The following ATP2B2 variants were observed in gnomAD, a reference collection of about 807,000 sequenced individuals.
ATP2B2 encodes ATPase plasma membrane Ca2+ transporting 2.
ATP2B2 carries 15 observed loss-of-function variants against 120.0 expected under a neutral mutation model. The ratio of observed to expected loss-of-function variants is 0.12; its 90% CI spans 0.08 to 0.19. ATP2B2 has a LOEUF of 0.19. Among genes scored for constraint, ATP2B2 ranks in the 10% least tolerant of loss-of-function variants. The probability of loss-of-function intolerance (pLI) is 1.00; values close to 1 mark genes in which losing one functional copy is unlikely to be tolerated. For missense variants in ATP2B2, 1,045 were observed against 1,719.8 expected (o/e 0.61, Z 6.94); for synonymous variants, 694 against 700.3 (o/e 0.99, Z 0.14).
chr3:10,449,507 T>C lies in ATP2B2; in HGVS notation c.37A>G (p.Asn13Asp). The C allele has an allele frequency of 6.2e-7, 1 of 1,614,200 alleles. No individual in the cohort carries two copies. Among genetic ancestry groups the C allele is most frequent in the South Asian group, 1.1e-5 (1 of 91,068 alleles). Reference sequence around the variant, plus strand: ...CCATGGCTCGACTCATTTCTTTGGTTTTTGGAGTAAAAGTCGCTGTTGGTC... The same window carrying C: ...CCATGGCTCGACTCATTTCTTTGGTCTTTGGAGTAAAAGTCGCTGTTGGTC... ...DMTNSDFYSK[N>D]QRNESSHGGE... The change falls in exon 2 of 23, where the codon AAC (asparagine) becomes GAC (aspartate). Residue 13 changes from asparagine (N) to aspartate (D), a missense_variant. Physicochemically the swap from Asn to Asp is conservative, Grantham distance 23. This residue lies in a region of ATP2B2 where 139 missense variants were observed against 134.2 expected (regional missense o/e 1.04). Transcript: ENST00000360273.
chr3:10,701,189 C>T (rs2071812172), intron 1 of ATP2B2, among the ~76,000 whole-genome samples: 2 of 152,176 alleles, frequency 1.3e-5, no homozygotes, highest in East Asian at 1.9e-4. Flanking sequence ...GCCTCATGCT[C>T]TTATCTACTC....
chr3:10,517,955 G>A lies in ATP2B2; in HGVS notation c.-320+16084C>T, dbSNP rs561844769. Reference sequence around the variant, plus strand: ...CAGTAGACAGACGGGGGATTGGGCAGCCTGTGCAGGTTGCAGGGAGGAGCA... The same window carrying A: ...CAGTAGACAGACGGGGGATTGGGCAACCTGTGCAGGTTGCAGGGAGGAGCA... On this transcript the variant is annotated intron_variant, in intron 3 of 21. Coordinates refer to the ATP2B2 transcript ENST00000646379. Among the ~76,000 whole-genome samples the A allele has an allele frequency of 6.4e-4, 98 of 152,166 alleles. 1 individual carries two copies. Among genetic ancestry groups the A allele is most frequent in the African/African-American group, 2.3e-3 (95 of 41,506 alleles).
At chr3:10,632,550 C>T (rs12633876) in intron 1 of ATP2B2, among the ~76,000 whole-genome samples, 9 of 152,350 alleles carry the variant, frequency 5.9e-5, no homozygotes, top group East Asian at 1.9e-4. Context: ...TCTGGTGAAA[C>T]GCTCTGAGAC....
chr3:10,494,033 A>C (rs2066039546), intron 1 of ATP2B2, among the ~76,000 whole-genome samples: 2 of 152,228 alleles, frequency 1.3e-5, no homozygotes, highest in Non-Finnish European at 2.9e-5. Context: ...CAGGCACTCC[A>C]TCACAAATGC....
chr3:10,368,589 C>T (rs2061134120), intron 12 of ATP2B2, among the ~76,000 whole-genome samples: 1 of 151,832 alleles, frequency 6.6e-6, no homozygotes, highest in African/African-American at 2.4e-5. Flanking sequence ...TCCACTCATC[C>T]ATCCGCCAAT....
intron 1 of ATP2B2, among the ~76,000 whole-genome samples, chr3:10,701,846 T>C (rs1207402046): frequency 6.6e-6 from 1 of 152,042 alleles, no homozygotes; most frequent in East Asian, 1.9e-4. Flanking sequence ...TTCACACACA[T>C]CTACTATGTG....
intron 1 of ATP2B2, among the ~76,000 whole-genome samples, chr3:10,473,246 T>G (rs1217347375): frequency 1.3e-5 from 2 of 152,264 alleles, no homozygotes; most frequent in Non-Finnish European, 2.9e-5. Context: ...ATTTGTTCAC[T>G]CCACAGTCAT....
At chr3:10,623,054 CTTTTTT>C (rs34097914) in intron 1 of ATP2B2, among the ~76,000 whole-genome samples, 12 of 106,614 alleles carry the variant, frequency 1.1e-4, no homozygotes, top group East Asian at 5.3e-4. Flanking sequence ...TTGGTCAGCT[CTTTTTT>C]TTTTTTTTTT....
intron 1 of ATP2B2, among the ~76,000 whole-genome samples, chr3:10,636,788 G>A (rs1279723207): frequency 6.6e-6 from 1 of 152,168 alleles, no homozygotes; most frequent in Admixed American, 6.5e-5. Context: ...GAGTTGAGGA[G>A]ATGGAGCTAA....
chr3:10,594,711 TATAATAATAATAATAATA>T (rs147616326), intron 2 of ATP2B2, among the ~76,000 whole-genome samples: 1 of 149,628 alleles, frequency 6.7e-6, no homozygotes, highest in Non-Finnish European at 1.5e-5. Context: ...GAACTTAAAG[TATAATAATAATAATAATA>T]ATAATAATAA....
At position 10,325,995 on chromosome 3, in the gene ATP2B2, A is replaced by G. The variant is rs2059850377; in HGVS notation, c.*2819T>C. ...TGTTTTTTGCTTTTTTTTTTAAACCACAAACATTTCAGAACCACACTGCAC... is the reference window on the plus strand; with the variant it reads ...TGTTTTTTGCTTTTTTTTTTAAACCGCAAACATTTCAGAACCACACTGCAC... On this transcript the variant is annotated 3_prime_UTR_variant, in exon 23 of 23. Coordinates refer to ENST00000360273, the MANE Select transcript of ATP2B2 (RefSeq NM_001001331.4). 1 of 152,128 alleles carries G rather than the reference A, an allele frequency of 6.6e-6. No individual in the cohort carries two copies. The highest frequency in any genetic ancestry group is 1.5e-5 in the Non-Finnish European group (1 of 67,988). The allele number at this position is 152,128 out of a possible 1,614,324, so 9.4% of individuals were successfully genotyped here. A position where few individuals can be genotyped will look rare whatever the true frequency, so the allele number is the denominator to read the frequency against.
At chr3:10,643,430 C>G (rs1414992151) in intron 1 of ATP2B2, among the ~76,000 whole-genome samples, 3 of 152,192 alleles carry the variant, frequency 2.0e-5, no homozygotes, top group Non-Finnish European at 4.4e-5. Flanking sequence ...GGAGAAGCAG[C>G]ATTATTTACC....
At chr3:10,355,799 C>CAAAGGCCCTGA (rs1574995122) in intron 14 of ATP2B2, among the ~76,000 whole-genome samples, 43 of 26,750 alleles carry the variant, frequency 1.6e-3, no homozygotes, top group Admixed American at 4.4e-3. Context: ...TCCGGCCGGG[C>CAAAGGCCCTGA]GCGGTGGCTC....
At chr3:10,463,797 C>A (rs961455426) in intron 1 of ATP2B2, among the ~76,000 whole-genome samples, 2 of 152,226 alleles carry the variant, frequency 1.3e-5, no homozygotes, top group African/African-American at 4.8e-5. Context: ...TATGGTCCAG[C>A]CTTTGTACTT....
intron 1 of ATP2B2, among the ~76,000 whole-genome samples, chr3:10,629,000 C>A (rs1256495862): frequency 6.6e-6 from 1 of 152,208 alleles, no homozygotes; most frequent in African/African-American, 2.4e-5. Context: ...GGGCTCCCGG[C>A]CAACGGCACC....
intron 8 of ATP2B2, among the ~76,000 whole-genome samples, chr3:10,381,153 G>A (rs956300074): frequency 6.6e-6 from 1 of 152,204 alleles, no homozygotes; most frequent in Non-Finnish European, 1.5e-5. Context: ...CTGTTCAAGG[G>A]TAAGTGCAGA....
At chr3:10,700,435 C>G (rs987981101) in intron 1 of ATP2B2, among the ~76,000 whole-genome samples, 1 of 152,104 alleles carries the variant, frequency 6.6e-6, no homozygotes, top group East Asian at 1.9e-4. Context: ...AACAAGTGTC[C>G]CATTTCAAAG....
At chr3:10,590,159 G>T (rs1352528248) in intron 2 of ATP2B2, among the ~76,000 whole-genome samples, 1 of 152,146 alleles carries the variant, frequency 6.6e-6, no homozygotes, top group Non-Finnish European at 1.5e-5. Flanking sequence ...CAGAAGGAAG[G>T]CCCAAAGCTT....
At chr3:10,370,211 TC>T (rs1193556265) in intron 12 of ATP2B2, among the ~76,000 whole-genome samples, 7 of 152,224 alleles carry the variant, frequency 4.6e-5, no homozygotes, top group African/African-American at 1.7e-4. Flanking sequence ...TCCTGGCAGA[TC>T]CCAAGAATTC....
Sources: gnomAD v4.1 joint callset for allele counts (sites outside exome capture counted in the v4.1 genomes callset) on GRCh38, gnomAD v4.1.1 for gene constraint, gnomAD v4.1.1 regional missense constraint, MANE v1.5 for transcripts, NCBI Gene and HGNC (gene_info 2026-07-23, HGNC 2026-07-21) for gene names.